The following PRELID2 variants were observed in gnomAD, a reference collection of about 807,000 sequenced individuals.
PRELID2 encodes the protein PRELI domain containing 2.
PRELID2 carries 25 observed loss-of-function variants against 28.4 expected under a neutral mutation model. That is an observed-to-expected ratio of 0.88 (90% confidence interval 0.64 to 1.23). The LOEUF (loss-of-function observed/expected upper bound fraction) is 1.23, where lower values mean the gene tolerates loss of function less well. PRELID2 is among the 50% of genes most tolerant of loss of function. The pLI, the probability that PRELID2 is intolerant of heterozygous loss-of-function variation, is 0.00. For missense variants in PRELID2, 201 were observed against 214.4 expected (o/e 0.94, Z 0.39); for synonymous variants, 76 against 71.6 (o/e 1.06, Z -0.31).
chr5:145,236,108 G>T, the PRELID2 span, among the ~76,000 whole-genome samples: 1 of 152,106 alleles, frequency 6.6e-6, no homozygotes, highest in Non-Finnish European at 1.5e-5. Context: ...AAGGTGCTTA[G>T]TTACCAACTA....
At chr5:145,596,241 T>G (rs1753304711) in intron 1 of PRELID2, among the ~76,000 whole-genome samples, 1 of 152,006 alleles carries the variant, frequency 6.6e-6, no homozygotes, top group Admixed American at 6.6e-5. Flanking sequence ...CTTAATGACT[T>G]TATTTATTCA....
At chr5:145,339,152 G>C in the PRELID2 span, among the ~76,000 whole-genome samples, 2 of 152,184 alleles carry the variant, frequency 1.3e-5, no homozygotes, top group Non-Finnish European at 2.9e-5. Context: ...TGGCTGACTA[G>C]ATGCAGCCAG....
At chr5:145,415,261 TATTTTA>T in the PRELID2 span, among the ~76,000 whole-genome samples, 1 of 151,918 alleles carries the variant, frequency 6.6e-6, no homozygotes, top group South Asian at 2.1e-4. Flanking sequence ...TTTTGTTTTT[TATTTTA>T]TTTTCTTTTT....
chr5:145,319,787 G>T, the PRELID2 span, among the ~76,000 whole-genome samples: 1 of 152,158 alleles, frequency 6.6e-6, no homozygotes, highest in African/African-American at 2.4e-5. Flanking sequence ...AATCACCTTA[G>T]TTTCTTGAAG....
the PRELID2 span, among the ~76,000 whole-genome samples, chr5:145,261,585 A>T: frequency 1.3e-5 from 2 of 152,148 alleles, no homozygotes; most frequent in African/African-American, 4.8e-5. Context: ...GATCCAGAGG[A>T]AAAATAACAA....
chr5:145,284,669 C>T, the PRELID2 span, among the ~76,000 whole-genome samples: 1 of 151,956 alleles, frequency 6.6e-6, no homozygotes, highest in African/African-American at 2.4e-5. Flanking sequence ...AGAATTTATC[C>T]TAAAATTCAG....
chr5:145,459,564 T>A, the PRELID2 span, among the ~76,000 whole-genome samples: 1 of 152,168 alleles, frequency 6.6e-6, no homozygotes, highest in African/African-American at 2.4e-5. Flanking sequence ...GCTACTTAAT[T>A]AACAATTTAA....
At chr5:145,807,277 T>G (rs17103769) in intron 4 of PRELID2, among the ~76,000 whole-genome samples, 1,577 of 152,300 alleles carry the variant, frequency 0.01, 19 homozygotes, top group African/African-American at 0.035. Context: ...CTCCTACTTA[T>G]GTCATCGAAT....
intron 1 of PRELID2, among the ~76,000 whole-genome samples, chr5:145,545,223 C>T (rs1752775854): frequency 6.6e-6 from 1 of 152,030 alleles, no homozygotes; most frequent in Non-Finnish European, 1.5e-5. Context: ...GAGGTCAGTG[C>T]ATCAAATGAC....
the PRELID2 span, among the ~76,000 whole-genome samples, chr5:145,261,787 A>G: frequency 1.3e-5 from 2 of 152,176 alleles, no homozygotes; most frequent in Non-Finnish European, 2.9e-5. Flanking sequence ...AAGGTTTTTA[A>G]CACCCCCAAA....
chr5:145,772,913 A>C (rs1344493188), intron 5 of PRELID2, among the ~76,000 whole-genome samples: 1 of 152,242 alleles, frequency 6.6e-6, no homozygotes, highest in Non-Finnish European at 1.5e-5. Flanking sequence ...ATGTTTTTTC[A>C]ATTAGAAATA....
chr5:145,291,246 A>T, the PRELID2 span, among the ~76,000 whole-genome samples: 39 of 146,230 alleles, frequency 2.7e-4, no homozygotes, highest in Non-Finnish European at 3.0e-5. Context: ...CTGAGGCAGG[A>T]GAATTGCTTG....
the PRELID2 span, among the ~76,000 whole-genome samples, chr5:145,292,146 A>G: frequency 6.6e-6 from 1 of 152,172 alleles, no homozygotes; most frequent in African/African-American, 2.4e-5. Flanking sequence ...TCAACTAAAA[A>G]TGATTCATAA....
At chr5:145,698,888 G>A (rs1173910560) in intron 1 of PRELID2, among the ~76,000 whole-genome samples, 4 of 152,092 alleles carry the variant, frequency 2.6e-5, no homozygotes, top group Admixed American at 1.3e-4. Flanking sequence ...CACCATGCCC[G>A]GCTAATTTTT....
rs531034089 is a variant in PRELID2, at chr5:145,758,450, C to G, written c.*2086G>C. 2.6e-5 allele frequency among the ~76,000 whole-genome samples: 4 copies of G among 152,196 alleles called. No homozygotes were observed. Among genetic ancestry groups the G allele is most frequent in the African/African-American group, 9.6e-5 (4 of 41,522 alleles). ...AAAGGAGTTTTTTTTAAAGCTGATGCCTTGGTTCCACTACCTGAGATTCTG... is the reference window on the plus strand; with the variant it reads ...AAAGGAGTTTTTTTTAAAGCTGATGGCTTGGTTCCACTACCTGAGATTCTG... On this transcript the variant is annotated 3_prime_UTR_variant, in exon 7 of 7. Transcript: ENST00000683046.
At chr5:145,555,201 A>T (rs185716754) in intron 1 of PRELID2, among the ~76,000 whole-genome samples, 7 of 152,334 alleles carry the variant, frequency 4.6e-5, no homozygotes, top group South Asian at 4.1e-4. Context: ...TGATCCATGA[A>T]CCACTTGTAT....
chr5:145,428,957 T>G, the PRELID2 span, among the ~76,000 whole-genome samples: 2 of 151,438 alleles, frequency 1.3e-5, no homozygotes, highest in East Asian at 1.9e-4. Flanking sequence ...CAAAGAGGAG[T>G]AGGGAAGGAG....
intron 1 of PRELID2, among the ~76,000 whole-genome samples, chr5:145,641,250 C>T (rs1754101799): frequency 2.0e-5 from 3 of 151,454 alleles, no homozygotes; most frequent in Admixed American, 2.0e-4. Context: ...TGTAATATAC[C>T]TAACTGGCAA....
the PRELID2 span, among the ~76,000 whole-genome samples, chr5:145,388,072 A>G: frequency 6.6e-6 from 1 of 152,160 alleles, no homozygotes; most frequent in Admixed American, 6.5e-5. Context: ...TCAGAAAAGA[A>G]CATTCAAGAG....
Sources: gnomAD v4.1 joint callset for allele counts (sites outside exome capture counted in the v4.1 genomes callset) on GRCh38, gnomAD v4.1.1 for gene constraint, MANE v1.5 for transcripts, NCBI Gene and HGNC (gene_info 2026-07-23, HGNC 2026-07-21) for gene names.